The following RIPOR2 variants were observed in gnomAD, a reference collection of about 807,000 sequenced individuals.
The protein encoded by RIPOR2 is rho family-interacting cell polarization regulator 2.
In RIPOR2, 39 loss-of-function variants were observed where a neutral mutation model predicts 114.5. That is an observed-to-expected ratio of 0.34 (90% CI 0.26 to 0.44). RIPOR2 has a LOEUF of 0.44. Among genes scored for constraint, RIPOR2 ranks in the 20% least tolerant of loss-of-function variants. The pLI, the probability that RIPOR2 is intolerant of heterozygous loss-of-function variation, is 1.00. For missense variants in RIPOR2, 1,007 were observed against 1,255.1 expected, an observed-to-expected ratio of 0.80 and a Z score of 2.99; for synonymous variants, 445 against 484.4, an observed-to-expected ratio of 0.92 and a Z score of 1.07.
intron 1 of RIPOR2, among the ~76,000 whole-genome samples, chr6:25,038,975 G>A (rs1777363935): frequency 2.6e-5 from 4 of 152,366 alleles, no homozygotes; most frequent in African/African-American, 9.6e-5. Context: ...ATGTCTGCAT[G>A]GGCATGGAAA....
At chr6:25,009,683 A>G (rs963247420) in intron 1 of RIPOR2, among the ~76,000 whole-genome samples, 1 of 152,254 alleles carries the variant, frequency 6.6e-6, no homozygotes, top group African/African-American at 2.4e-5. Context: ...AATGGTGGTC[A>G]AGTTTCAAGC....
chr6:24,837,484 C>T (rs1761222494), intron 14 of RIPOR2, among the ~76,000 whole-genome samples: 1 of 152,024 alleles, frequency 6.6e-6, no homozygotes, highest in African/African-American at 2.4e-5. Context: ...GGTACAATCT[C>T]AGCTCACCTT....
At chr6:25,040,921 A>G (rs753972378) in intron 1 of RIPOR2, among the ~76,000 whole-genome samples, 1 of 152,024 alleles carries the variant, frequency 6.6e-6, no homozygotes, top group Non-Finnish European at 1.5e-5. Context: ...AAATCCACCA[A>G]CCTCTACCCC....
intron 1 of RIPOR2, among the ~76,000 whole-genome samples, chr6:24,963,346 C>T (rs926457779): frequency 1.3e-5 from 2 of 152,156 alleles, no homozygotes; most frequent in Admixed American, 1.3e-4. Flanking sequence ...TGTGTTTACC[C>T]CACTTTTTGA....
intron 1 of RIPOR2, among the ~76,000 whole-genome samples, chr6:24,924,428 C>T (rs77740490): frequency 2.0e-4 from 30 of 152,144 alleles, no homozygotes; most frequent in African/African-American, 7.0e-4. Context: ...TAGAAAAGAC[C>T]CCTTGGACGC....
intron 1 of RIPOR2, among the ~76,000 whole-genome samples, chr6:24,954,257 T>C (rs1428507343): frequency 6.6e-6 from 1 of 152,140 alleles, no homozygotes; most frequent in Non-Finnish European, 1.5e-5. Flanking sequence ...TTTTCTCTTA[T>C]CGCTAGTCAG....
intron 1 of RIPOR2, chr6:24,976,592 T>C: frequency 1.2e-6 from 2 of 1,605,734 alleles, no homozygotes; most frequent in Non-Finnish European, 1.7e-6. Flanking sequence ...GCAGAAAATT[T>C]TCGTGCTCTG....
intron 1 of RIPOR2, among the ~76,000 whole-genome samples, chr6:24,886,763 C>T (rs61563954): frequency 0.034 from 5,184 of 152,228 alleles, 277 homozygotes; most frequent in African/African-American, 0.11. Flanking sequence ...GTGTTGTTGG[C>T]CAGTTTCTCC....
intron 1 of RIPOR2, among the ~76,000 whole-genome samples, chr6:24,970,888 T>A (rs1430550173): frequency 2.0e-5 from 1 of 48,994 alleles, no homozygotes; most frequent in African/African-American, 3.3e-5. Flanking sequence ...TATGAGACAT[T>A]GCACAAATTT....
intron 1 of RIPOR2, among the ~76,000 whole-genome samples, chr6:24,960,308 C>T (rs1773243639): frequency 6.6e-6 from 1 of 152,156 alleles, no homozygotes; most frequent in Non-Finnish European, 1.5e-5. Flanking sequence ...TGCTGAGGGC[C>T]TGGTCTCTGC....
intron 1 of RIPOR2, among the ~76,000 whole-genome samples, chr6:25,029,104 T>G (rs958106177): frequency 6.6e-6 from 1 of 151,916 alleles, no homozygotes; most frequent in East Asian, 1.9e-4. Flanking sequence ...CTGGCCAACA[T>G]GGTGAAACCC....
rs900275603 is a variant in RIPOR2 at position 24,875,874 on chromosome 6, A to G, written c.62-57T>C. On this transcript the variant is annotated intron_variant, in intron 1 of 21. Coordinates refer to ENST00000643898, the MANE Select transcript of RIPOR2 (RefSeq NM_001286445.3). Reference sequence around the variant, plus strand: ...ATAGGCAGGTTCAGACAGAAGATGCACTAAGCTTGTCAACAATGATAAAGG... The same window carrying G: ...ATAGGCAGGTTCAGACAGAAGATGCGCTAAGCTTGTCAACAATGATAAAGG... 6.9e-5 allele frequency: 104 copies of G among 1,496,586 alleles called. 1 individual carries two copies. In the South Asian group the frequency reaches 9.7e-4, roughly 14 times the overall value. The allele number at this position is 1,496,586 out of a possible 1,614,324, so 92.7% of individuals were successfully genotyped here.
At chr6:24,846,368 G>A (rs979928526) in intron 12 of RIPOR2, among the ~76,000 whole-genome samples, 3 of 139,640 alleles carry the variant, frequency 2.1e-5, no homozygotes, top group Non-Finnish European at 4.5e-5. Context: ...CTGCAGTGGT[G>A]CAATCATAAC....
chr6:24,960,270 A>T (rs1211558499), intron 1 of RIPOR2, among the ~76,000 whole-genome samples: 2 of 152,194 alleles, frequency 1.3e-5, no homozygotes, highest in Non-Finnish European at 2.9e-5. Flanking sequence ...GGGAAGTCCA[A>T]GGTCAAGGCA....
At position 24,967,794 on chromosome 6, in the gene RIPOR2, T is replaced by G. The variant is rs529334914; in HGVS notation, c.76+74057A>C. Among the ~76,000 whole-genome samples, 13 of 152,174 alleles carry G rather than the reference T, an allele frequency of 8.5e-5. 1 individual carries two copies. In the South Asian group the frequency reaches 2.1e-3, roughly 24 times the overall value. On this transcript the variant is annotated intron_variant, in intron 1 of 13. Transcript: ENST00000510784. ...TCCTTTGTGGATGAGGAAACTGAGGTGTAAGAAAAGTTATATGACTTACAG... is the reference window on the plus strand; with the variant it reads ...TCCTTTGTGGATGAGGAAACTGAGGGGTAAGAAAAGTTATATGACTTACAG...
chr6:24,827,838 G>A (rs1760323315), intron 18 of RIPOR2, among the ~76,000 whole-genome samples: 2 of 152,106 alleles, frequency 1.3e-5, no homozygotes, highest in South Asian at 2.1e-4. Context: ...GGATTGATCC[G>A]ACTAATGGCA....
At chr6:24,908,875 A>T (rs1424111131) in intron 1 of RIPOR2, among the ~76,000 whole-genome samples, 6 of 152,208 alleles carry the variant, frequency 3.9e-5, no homozygotes, top group African/African-American at 1.4e-4. Context: ...TCAGAATTCT[A>T]TGCAACTCCC....
intron 1 of RIPOR2, among the ~76,000 whole-genome samples, chr6:24,957,581 A>G (rs1160554495): frequency 6.6e-6 from 1 of 152,198 alleles, no homozygotes; most frequent in Non-Finnish European, 1.5e-5. Flanking sequence ...TTCCTAAAGA[A>G]TGAGAAGGAG....
At chr6:24,869,640 T>C (rs1311088317) in intron 5 of RIPOR2, among the ~76,000 whole-genome samples, 3 of 152,140 alleles carry the variant, frequency 2.0e-5, no homozygotes, top group Non-Finnish European at 2.9e-5. Context: ...TTTTTTAATA[T>C]TGAATAAATA....
Sources: allele counts gnomAD v4.1 joint callset (sites outside exome capture counted in the v4.1 genomes callset), GRCh38; gene constraint gnomAD v4.1.1; transcripts MANE v1.5; gene names NCBI Gene and HGNC (gene_info 2026-07-23, HGNC 2026-07-21).